The following SHTN1 variants were observed in gnomAD, a reference collection of about 807,000 sequenced individuals.
SHTN1 encodes the protein shootin-1.
SHTN1 carries 42 observed loss-of-function variants against 83.1 expected under a neutral mutation model. That is an observed-to-expected ratio of 0.51 (90% confidence interval 0.39 to 0.65). The LOEUF (loss-of-function observed/expected upper bound fraction) is 0.65. SHTN1 is among the 30% of genes least tolerant of loss of function. SHTN1 has a pLI of 0.00. For synonymous variants in SHTN1, 224 were observed against 247.7 expected (o/e 0.90, Z 0.90); for missense variants, 622 against 737.8 (o/e 0.84, Z 1.82).
intron 13 of SHTN1, among the ~76,000 whole-genome samples, chr10:116,915,039 T>C (rs1435736046): frequency 6.6e-6 from 1 of 152,162 alleles, no homozygotes; most frequent in African/African-American, 2.4e-5. Flanking sequence ...ATCTGGCACA[T>C]AGCAGATAAT....
intron 2 of SHTN1, among the ~76,000 whole-genome samples, chr10:117,037,255 T>C (rs908501591): frequency 2.6e-5 from 4 of 152,044 alleles, no homozygotes; most frequent in South Asian, 2.1e-4. Context: ...CTGGGCAACA[T>C]AGTGAGACTT....
chr10:117,035,521 T>C (rs545987491), intron 2 of SHTN1, among the ~76,000 whole-genome samples: 4 of 152,038 alleles, frequency 2.6e-5, no homozygotes, highest in African/African-American at 9.6e-5. Flanking sequence ...AAGGAAACAA[T>C]TAACAAAGTG....
chr10:116,929,202 A>T (rs1411357111), intron 10 of SHTN1, among the ~76,000 whole-genome samples: 2 of 152,198 alleles, frequency 1.3e-5, no homozygotes, highest in East Asian at 3.9e-4. Context: ...AATGTACCTG[A>T]CTTCTTAAAT....
At position 117,011,794 on chromosome 10, in the gene SHTN1, G is replaced by T. The variant is rs184380771; in HGVS notation, c.-122-32486C>A. 1.5e-3 allele frequency among the ~76,000 whole-genome samples: 226 copies of T among 152,106 alleles called. 2 individuals are homozygous for T. Among genetic ancestry groups the T allele is most frequent in the Admixed American group, 0.015 (224 of 15,266 alleles). On this transcript the variant is annotated intron_variant, in intron 2 of 17. Coordinates refer to the SHTN1 transcript ENST00000392901. Reference sequence around the variant, plus strand: ...ATGCCAAAAAGTATAAAATGCTGATGAAAAAAATCAAAGAGTATCTAAATA... The same window carrying T: ...ATGCCAAAAAGTATAAAATGCTGATTAAAAAAATCAAAGAGTATCTAAATA...
At chr10:117,098,329 G>A (rs374653872) in intron 1 of SHTN1, among the ~76,000 whole-genome samples, 3 of 150,528 alleles carry the variant, frequency 2.0e-5, no homozygotes, top group African/African-American at 4.9e-5. Flanking sequence ...CCCAGGGGGC[G>A]GAGCTTGCAG....
At chr10:116,950,174 A>AT (rs112790760) in intron 6 of SHTN1, among the ~76,000 whole-genome samples, 4 of 152,154 alleles carry the variant, frequency 2.6e-5, no homozygotes, top group African/African-American at 9.6e-5. Context: ...ATTAAAAATA[A>AT]TTTTTTTAGA....
intron 1 of SHTN1, 139 bp from the exon 2 acceptor site, chr10:116,979,447 G>A (rs1410413843): frequency 5.9e-6 from 4 of 679,156 alleles, no homozygotes; most frequent in African/African-American, 1.8e-5. Context: ...AGGGGCTTCT[G>A]CTTTTTATTT....
intron 1 of SHTN1, among the ~76,000 whole-genome samples, chr10:117,102,199 G>C (rs1198903573): frequency 6.6e-6 from 1 of 152,140 alleles, no homozygotes; most frequent in African/African-American, 2.4e-5. Context: ...AGAGCACCTG[G>C]TGTGACAGAG....
upstream of SHTN1, among the ~76,000 whole-genome samples, chr10:117,006,795 C>G (rs1289457947): frequency 6.6e-6 from 1 of 151,904 alleles, no homozygotes; most frequent in Admixed American, 6.6e-5. Context: ...TATGGAAGTG[C>G]CCAGCTCCAT....
chr10:116,918,619 T>C (rs934227982), intron 12 of SHTN1, among the ~76,000 whole-genome samples: 1 of 152,234 alleles, frequency 6.6e-6, no homozygotes, highest in African/African-American at 2.4e-5. Context: ...GGATTCCCTT[T>C]GCTCCTCCCA....
chr10:116,951,414 G>A (rs1162885404), intron 6 of SHTN1, among the ~76,000 whole-genome samples: 2 of 152,112 alleles, frequency 1.3e-5, no homozygotes, highest in Non-Finnish European at 2.9e-5. Flanking sequence ...GACAGAGTTA[G>A]GTCTTGTCTC....
intron 1 of SHTN1, among the ~76,000 whole-genome samples, chr10:117,111,416 C>T (rs1358228210): frequency 6.6e-6 from 1 of 151,908 alleles, no homozygotes; most frequent in Non-Finnish European, 1.5e-5. Context: ...GCCTCAGCCT[C>T]CCAGGTAGCT....
intron 1 of SHTN1, among the ~76,000 whole-genome samples, chr10:116,999,160 G>A (rs1290040817): frequency 6.6e-6 from 1 of 152,076 alleles, no homozygotes; most frequent in Non-Finnish European, 1.5e-5. Context: ...CAAAAACAAG[G>A]AAAGAAAGAT....
At chr10:116,994,520 GGAAA>G (rs1176563776) in intron 1 of SHTN1, among the ~76,000 whole-genome samples, 4 of 152,170 alleles carry the variant, frequency 2.6e-5, no homozygotes, top group Middle Eastern at 3.4e-3. Context: ...AGAGAGAAGG[GGAAA>G]GAGGGAAGGG....
At chr10:116,925,972 T>G (rs1848730402) in intron 11 of SHTN1, among the ~76,000 whole-genome samples, 1 of 152,066 alleles carries the variant, frequency 6.6e-6, no homozygotes, top group Admixed American at 6.6e-5. Context: ...TGTGCAAATA[T>G]ACCTCTTTGA....
chr10:116,937,942 G>C (rs1431304456), intron 9 of SHTN1, among the ~76,000 whole-genome samples: 1 of 151,006 alleles, frequency 6.6e-6, no homozygotes, highest in East Asian at 2.0e-4. Flanking sequence ...CTTGTCTTCT[G>C]CTTGATCGAT....
intron 1 of SHTN1, among the ~76,000 whole-genome samples, chr10:117,057,051 C>G (rs1852834801): frequency 6.6e-6 from 1 of 151,944 alleles, no homozygotes; most frequent in Non-Finnish European, 1.5e-5. Flanking sequence ...AAAAGGCATA[C>G]CAATTGGAAA....
chr10:116,883,830 T>A lies in SHTN1; in HGVS notation c.*2514A>T. On this transcript the variant is annotated 3_prime_UTR_variant, in exon 17 of 17. Coordinates refer to ENST00000355371, the MANE Select transcript of SHTN1 (RefSeq NM_001127211.3). ...CAGAACTTCCATGGGACTGTTCAGC[T>A]GCTGAAACTGCTGTGGGTGAGGACT... 1 of 177,116 alleles carries A rather than the reference T, an allele frequency of 5.6e-6. No homozygotes were observed. Among genetic ancestry groups the A allele is most frequent in the East Asian group, 1.7e-4 (1 of 5,880 alleles). The allele number at this position is 177,116 out of a possible 1,614,324, so 11.0% of individuals were successfully genotyped here.
chr10:117,077,808 T>C (rs1853183174), intron 1 of SHTN1, among the ~76,000 whole-genome samples: 1 of 152,152 alleles, frequency 6.6e-6, no homozygotes, highest in African/African-American at 2.4e-5. Flanking sequence ...GGACATGAAC[T>C]CATCATTTTT....
Sources: gnomAD v4.1 joint callset for allele counts (sites outside exome capture counted in the v4.1 genomes callset) on GRCh38, gnomAD v4.1.1 for gene constraint, MANE v1.5 for transcripts, NCBI Gene and HGNC (gene_info 2026-07-23, HGNC 2026-07-21) for gene names.